The following ZDHHC15 variants were observed in gnomAD, a reference collection of about 807,000 sequenced individuals.
ZDHHC15 encodes the protein palmitoyltransferase ZDHHC15.
In ZDHHC15, 19 loss-of-function variants were observed where a neutral mutation model predicts 31.7. That is an observed-to-expected ratio of 0.60 (90% CI 0.42 to 0.88). ZDHHC15 has a LOEUF of 0.88. Ranked by LOEUF, ZDHHC15 falls within the 40% of genes least tolerant of loss-of-function variation. The pLI, the probability that ZDHHC15 is intolerant of heterozygous loss-of-function variation, is 0.00. For missense variants in ZDHHC15, 209 were observed against 251.2 expected, an observed-to-expected ratio of 0.83 and a Z score of 1.14; for synonymous variants, 103 against 90.0, an observed-to-expected ratio of 1.14 and a Z score of -0.82.
Position 75,462,745 on chromosome X carries a change from A to G in ZDHHC15, c.259-11823T>C, listed in dbSNP as rs180948003. On this transcript the variant is annotated intron_variant, in intron 3 of 11. Transcript: ENST00000373367. ...AATGAGAACCAAAAGACAATGTACC[A>G]GAATCTCTGGGACACAGCTAAAATA... 1.2e-3 allele frequency among the ~76,000 whole-genome samples: 133 copies of G among 111,799 alleles called. 1 individual carries two copies. Among genetic ancestry groups the G allele is most frequent in the Admixed American group, 0.011 (120 of 10,484 alleles).
At chrX:75,463,969 T>A (rs1006856724) in intron 3 of ZDHHC15, among the ~76,000 whole-genome samples, 1 of 111,792 alleles carries the variant, frequency 8.9e-6, no homozygotes, top group African/African-American at 3.3e-5. Context: ...CATGCTGCTA[T>A]AAAGACACAC....
At chrX:75,470,322 C>T (rs2084484209) in intron 3 of ZDHHC15, among the ~76,000 whole-genome samples, 1 of 111,745 alleles carries the variant, frequency 8.9e-6, no homozygotes, top group Admixed American at 9.5e-5. Flanking sequence ...ACTGGCTTTC[C>T]TTGCTCCTCA....
chrX:75,450,601 G>T (rs983530338), intron 4 of ZDHHC15: 2 of 790,515 alleles, frequency 2.5e-6, no homozygotes, highest in East Asian at 3.7e-5. Context: ...CCAGTTTGGG[G>T]TATACAGTTT....
At chrX:75,456,589 A>G (rs1294684951) in intron 3 of ZDHHC15, among the ~76,000 whole-genome samples, 2 of 111,753 alleles carry the variant, frequency 1.8e-5, no homozygotes, top group Admixed American at 1.9e-4. Context: ...GAATGTTTTT[A>G]TACTGTTGGT....
intron 10 of ZDHHC15, among the ~76,000 whole-genome samples, chrX:75,416,674 A>G (rs946514256): frequency 1.8e-5 from 2 of 111,708 alleles, no homozygotes; most frequent in Non-Finnish European, 3.8e-5. Context: ...TATTGAAACC[A>G]TTCTAAAAAG....
At chrX:75,420,573 A>G (rs1440438543) in intron 9 of ZDHHC15, among the ~76,000 whole-genome samples, 1 of 111,916 alleles carries the variant, frequency 8.9e-6, no homozygotes, top group Non-Finnish European at 1.9e-5. Flanking sequence ...CATCAATGAT[A>G]GACTGGATAA....
intron 3 of ZDHHC15, among the ~76,000 whole-genome samples, chrX:75,475,658 T>C (rs951401596): frequency 4.5e-5 from 5 of 112,284 alleles, no homozygotes; most frequent in African/African-American, 1.6e-4. Context: ...AGTGTGAAGC[T>C]ACAACTTTGT....
intron 1 of ZDHHC15, among the ~76,000 whole-genome samples, chrX:75,507,220 G>C (rs186156493): frequency 9.0e-6 from 1 of 111,477 alleles, no homozygotes. Context: ...ACAATGACTA[G>C]CAGCCTTGGG....
intron 10 of ZDHHC15, among the ~76,000 whole-genome samples, chrX:75,400,786 A>G (rs2083347746): frequency 8.9e-6 from 1 of 111,937 alleles, no homozygotes; most frequent in South Asian, 3.8e-4. Flanking sequence ...TGGAACTCTC[A>G]GCTGAAACCC....
intron 3 of ZDHHC15, among the ~76,000 whole-genome samples, chrX:75,475,022 G>A (rs1352335506): frequency 9.0e-6 from 1 of 111,326 alleles, no homozygotes. Context: ...TTGCGCCGCT[G>A]CACTCCTGCC....
intron 2 of ZDHHC15, among the ~76,000 whole-genome samples, chrX:75,491,398 T>A (rs2084888406): frequency 9.9e-6 from 1 of 100,617 alleles, no homozygotes. Context: ...ACACCGCATA[T>A]TCTCACTCAT....
chrX:75,483,018 T>C (rs1445217212), intron 2 of ZDHHC15, among the ~76,000 whole-genome samples: 2 of 104,600 alleles, frequency 1.9e-5, no homozygotes, highest in Non-Finnish European at 3.9e-5. Flanking sequence ...TATATATATG[T>C]ATATATATAC....
chrX:75,484,386 A>C (rs1456963793), intron 2 of ZDHHC15, among the ~76,000 whole-genome samples: 2 of 112,376 alleles, frequency 1.8e-5, no homozygotes, highest in Non-Finnish European at 3.8e-5. Context: ...TCAATAAAAA[A>C]AGGAAAAAGA....
intron 10 of ZDHHC15, among the ~76,000 whole-genome samples, chrX:75,410,724 C>A (rs773043175): frequency 1.2e-4 from 13 of 111,864 alleles, no homozygotes; most frequent in Admixed American, 6.6e-4. Context: ...TCCATCAATT[C>A]CACTACTGGG....
chrX:75,416,735 G>T (rs2083553197), intron 10 of ZDHHC15, among the ~76,000 whole-genome samples: 1 of 111,564 alleles, frequency 9.0e-6, no homozygotes, highest in Non-Finnish European at 1.9e-5. Flanking sequence ...AATGAAAGAG[G>T]ATGGAGAAAG....
intron 4 of ZDHHC15, among the ~76,000 whole-genome samples, chrX:75,441,362 C>T (rs1429549440): frequency 9.0e-6 from 1 of 111,499 alleles, no homozygotes; most frequent in African/African-American, 3.3e-5. Flanking sequence ...CAGGGTTCTT[C>T]CCACTGCTTC....
rs541238663 is a variant in ZDHHC15, at chrX:75,383,734, G to GTTTTTTTTTTTTTTTTTTTTTTTTTT, written c.968-4537_968-4536insAAAAAAAAAAAAAAAAAAAAAAAAAA. ...ACTACCCCAAATTTAAGAAATGTTA[G>GTTTTTTTTTTTTTTTTTTTTTTTTTT]GTTTTTTTTTTTTTTTTTTTTTGAG... On this transcript the variant is annotated intron_variant, in intron 10 of 11. Coordinates refer to ENST00000373367, the MANE Select transcript of ZDHHC15 (RefSeq NM_144969.3). 2.6e-5 allele frequency among the ~76,000 whole-genome samples: 2 copies of GTTTTTTTTTTTTTTTTTTTTTTTTTT among 77,793 alleles called. 1 individual carries two copies. The allele number at this position is 77,793 out of a possible 115,157, so 67.6% of individuals were successfully genotyped here.
At chrX:75,431,335 A>C (rs1339902802) in intron 5 of ZDHHC15, 116 bp downstream of exon 5, 1 of 651,484 alleles carries the variant, frequency 1.5e-6, no homozygotes, top group Non-Finnish European at 2.3e-6. Flanking sequence ...TGCTCATTAT[A>C]ATTGAAAGGA....
intron 10 of ZDHHC15, among the ~76,000 whole-genome samples, chrX:75,411,085 A>T (rs1329919903): frequency 8.9e-6 from 1 of 112,050 alleles, no homozygotes; most frequent in Non-Finnish European, 1.9e-5. Context: ...AGAGGCCAGG[A>T]AGATTAGGGA....
Sources: allele counts gnomAD v4.1 joint callset (sites outside exome capture counted in the v4.1 genomes callset), GRCh38; gene constraint gnomAD v4.1.1; transcripts MANE v1.5; gene names NCBI Gene and HGNC (gene_info 2026-07-23, HGNC 2026-07-21).